KIF26B: variants seen among roughly 807,000 people sequenced by gnomAD.
KIF26B encodes kinesin family member 26B.
In KIF26B, 63 loss-of-function variants were observed where a neutral mutation model predicts 151.2. The observed-to-expected ratio is 0.42, with a 90% CI of 0.34 to 0.51. The LOEUF is 0.51. Among genes scored for constraint, KIF26B ranks in the 20% least tolerant of loss-of-function variants. KIF26B has a pLI of 0.07. For missense variants in KIF26B, 2,813 were observed against 2,913.6 expected (o/e 0.97, Z 0.79); for synonymous variants, 1,357 against 1,262.1 (o/e 1.08, Z -1.59).
chr1:245,562,326 C>A (rs1327665201), intron 5 of KIF26B, among the ~76,000 whole-genome samples: 1 of 152,082 alleles, frequency 6.6e-6, no homozygotes, highest in Non-Finnish European at 1.5e-5. Context: ...TGGCCCAAAT[C>A]GCAATTTTAC....
At position 245,543,793 on chromosome 1, in the gene KIF26B, C is replaced by CA. The variant is rs1661676812; in HGVS notation, c.1350+2848dup. Among the ~76,000 whole-genome samples, 6 of 152,164 alleles carry CA rather than the reference C, an allele frequency of 3.9e-5. No individual in the cohort carries two copies. In the South Asian group the frequency reaches 1.2e-3, roughly 32 times the overall value. On this transcript the variant is annotated intron_variant, in intron 5 of 14. Coordinates refer to ENST00000407071, the MANE Select transcript of KIF26B (RefSeq NM_018012.4). ...TGAAACCCCGTCTCTACTAAAAATA[C>CA]AAAAATTAGCCAAGCTTGGCGGCAC... is the stretch of plus-strand genomic sequence containing the variant.
chr1:245,258,590 A>G (rs572219802), intron 2 of KIF26B, among the ~76,000 whole-genome samples: 1 of 152,336 alleles, frequency 6.6e-6, no homozygotes, highest in East Asian at 1.9e-4. Flanking sequence ...TACTGTGATT[A>G]GCAACTGGCC....
intron 4 of KIF26B, among the ~76,000 whole-genome samples, chr1:245,491,883 G>A (rs1284919876): frequency 6.6e-6 from 1 of 151,954 alleles, no homozygotes; most frequent in Non-Finnish European, 1.5e-5. Flanking sequence ...ACTCTAGCCT[G>A]GGCAACAGAG....
chr1:245,280,094 G>A (rs192286226), intron 2 of KIF26B, among the ~76,000 whole-genome samples: 1 of 152,166 alleles, frequency 6.6e-6, no homozygotes, highest in Non-Finnish European at 1.5e-5. Context: ...ACCCCAGGAG[G>A]AGCCTAGCTG....
At chr1:245,292,270 T>C (rs560271884) in intron 2 of KIF26B, among the ~76,000 whole-genome samples, 1 of 152,322 alleles carries the variant, frequency 6.6e-6, no homozygotes, top group East Asian at 1.9e-4. Flanking sequence ...TGTTCCAGAC[T>C]GTCCTCTCAG....
chr1:245,328,209 T>C lies in KIF26B; in HGVS notation c.466-38625T>C, dbSNP rs140790677. Among the ~76,000 whole-genome samples the C allele has an allele frequency of 1.2e-3, 183 of 148,058 alleles. 1 individual carries two copies. The highest frequency in any genetic ancestry group is 4.4e-3 in the African/African-American group (177 of 40,042). ...GGGGGTGCCTGAGCCTCCTGTGCCA[T>C]TTGGAGCATGTCATTATGGGGGAGT... On this transcript the variant is annotated intron_variant, in intron 2 of 14. Transcript: ENST00000407071.
rs1670213471 is a variant in KIF26B at position 245,241,730 on chromosome 1, G to GC, written c.465+85050dup. Among the ~76,000 whole-genome samples the GC allele has an allele frequency of 6.6e-6, 1 of 152,220 alleles. No homozygotes were observed. Among genetic ancestry groups the GC allele is most frequent in the Admixed American group, 6.5e-5 (1 of 15,286 alleles). On this transcript the variant is annotated intron_variant, in intron 2 of 14. Transcript: ENST00000407071. This position sits in a 1 kb window ranked among gnomAD's most constrained non-coding sequence, Gnocchi z 5.0. ...GGGCCCATGGCAGCCCCAGCTGGCT[G>GC]CCCGCTCCCTCCTGTGGGCAGTGCT...
rs891075672 is a variant in KIF26B at position 245,177,174 on chromosome 1, C to T, written c.465+20491C>T. On this transcript the variant is annotated intron_variant, in intron 2 of 14. Coordinates refer to ENST00000407071, the MANE Select transcript of KIF26B (RefSeq NM_018012.4). ...CTTATTGTGTTGCCCAGGCTGGCCTCAGATGCCTGGCCTCACGCCTCCTGC... is the reference window on the plus strand; with the variant it reads ...CTTATTGTGTTGCCCAGGCTGGCCTTAGATGCCTGGCCTCACGCCTCCTGC... Among the ~76,000 whole-genome samples the T allele has an allele frequency of 4.6e-5, 7 of 152,172 alleles. 1 individual carries two copies. The highest frequency in any genetic ancestry group is 9.7e-5 in the African/African-American group (4 of 41,442).
intron 2 of KIF26B, among the ~76,000 whole-genome samples, chr1:245,361,170 C>T (rs938096670): frequency 1.8e-4 from 27 of 152,168 alleles, no homozygotes; most frequent in African/African-American, 6.3e-4. Context: ...CATGTTGCAG[C>T]AAGCAGCCCT....
chr1:245,419,903 C>T (rs1406451155), intron 4 of KIF26B, among the ~76,000 whole-genome samples, 158 bp downstream of exon 4: 4 of 152,156 alleles, frequency 2.6e-5, no homozygotes, highest in East Asian at 1.9e-4. Context: ...TGTGACCTCT[C>T]GGGCCAGCTA....
intron 2 of KIF26B, among the ~76,000 whole-genome samples, chr1:245,307,557 A>G (rs1671579864): frequency 6.6e-6 from 1 of 152,254 alleles, no homozygotes; most frequent in Non-Finnish European, 1.5e-5. Flanking sequence ...AGAGAGTGAT[A>G]TAACAAACAA....
chr1:245,511,406 AG>A (rs1660835073), intron 4 of KIF26B, among the ~76,000 whole-genome samples: 1 of 152,188 alleles, frequency 6.6e-6, no homozygotes, highest in East Asian at 1.9e-4. Flanking sequence ...TAAATGAAGA[AG>A]GTTTCTGAAC....
chr1:245,615,899 G>A (rs532280197), intron 9 of KIF26B, among the ~76,000 whole-genome samples: 1 of 152,296 alleles, frequency 6.6e-6, no homozygotes, highest in South Asian at 2.1e-4. Context: ...TGTTTAAAAT[G>A]GAAATTTTGT....
rs1272402933 is a variant in KIF26B, at chr1:245,367,518, G to A, written c.999+151G>A. ...GCCCCCACAGAGTTCTCATCAAGGT[G>A]CCCCACCCGGGCCTGCCTGCTTTGA... On this transcript the variant is annotated intron_variant, in intron 3 of 14. Transcript: ENST00000407071. The surrounding 1 kb of genome is among the most constrained non-coding windows in gnomAD (Gnocchi z 4.2). 2.0e-5 allele frequency among the ~76,000 whole-genome samples: 3 copies of A among 152,228 alleles called. No homozygotes were observed. The highest frequency in any genetic ancestry group is 2.9e-5 in the Non-Finnish European group (2 of 68,038).
At position 245,607,762 on chromosome 1, in the gene KIF26B, T is replaced by A. The variant is rs757435594; in HGVS notation, c.1651+18T>A. 6.3e-7 allele frequency: 1 copy of A among 1,597,216 alleles called. No individual in the cohort carries two copies. The highest frequency in any genetic ancestry group is 8.6e-7 in the Non-Finnish European group (1 of 1,168,742). On this transcript the variant is annotated intron_variant, in intron 7 of 14. Transcript: ENST00000407071. The stretch of plus-strand genomic sequence containing the variant: ...CAAACTGGGTTCGTGAGAGTTTCAC[T>A]TTCTCATGCGGCTCGTTGAGCTCCC...
chr1:245,426,849 C>T (rs1171736335), intron 4 of KIF26B, among the ~76,000 whole-genome samples: 8 of 152,182 alleles, frequency 5.3e-5, no homozygotes, highest in East Asian at 3.9e-4. Context: ...CCATTATTGC[C>T]GCACTCTCGC....
At chr1:245,514,851 GT>G in intron 4 of KIF26B, among the ~76,000 whole-genome samples, 1 of 152,296 alleles carries the variant, frequency 6.6e-6, no homozygotes. Context: ...ACCTCATTAG[GT>G]TTTTCGAGAA....
At chr1:245,571,633 A>G (rs2103123226) in intron 5 of KIF26B, among the ~76,000 whole-genome samples, 1 of 152,342 alleles carries the variant, frequency 6.6e-6, no homozygotes. Flanking sequence ...ACGATTTTAG[A>G]AAACTAAGTG....
In KIF26B at chr1:245,619,603, CAA is replaced by C. The variant is rs34022501; in HGVS notation, c.2098+7645_2098+7646del. 2.2e-3 allele frequency among the ~76,000 whole-genome samples: 249 copies of C among 110,720 alleles called. 1 individual carries two copies. Among genetic ancestry groups the C allele is most frequent in the Non-Finnish European group, 2.1e-3 (120 of 56,172 alleles). 72.6% of individuals were successfully genotyped at this position (110,720 alleles called of 152,430 possible). A position where few individuals can be genotyped will look rare whatever the true frequency, so the allele number is the denominator to read the frequency against. ...CCTGGGCAATAGAGGGAAACTGTTT[CAA>C]AAAAAAAAAAAAAAAAAGAATCTCT... On this transcript the variant is annotated intron_variant, in intron 9 of 14. Coordinates refer to ENST00000407071, the MANE Select transcript of KIF26B (RefSeq NM_018012.4).
Sources: gnomAD v4.1 joint callset for allele counts (sites outside exome capture counted in the v4.1 genomes callset) on GRCh38, gnomAD v4.1.1 for gene constraint, Gnocchi (gnomAD v3.1) non-coding constraint, MANE v1.5 for transcripts, NCBI Gene and HGNC (gene_info 2026-07-23, HGNC 2026-07-21) for gene names.